NXPH1: variants seen among roughly 807,000 people sequenced by gnomAD.
The protein encoded by NXPH1 is neurexophilin-1.
In NXPH1, 5 loss-of-function variants were observed where a neutral mutation model predicts 23.7. The ratio of observed to expected loss-of-function variants is 0.21; its 90% confidence interval spans 0.11 to 0.44. The LOEUF (loss-of-function observed/expected upper bound fraction) is 0.44. NXPH1 is among the 20% of genes least tolerant of loss of function. The pLI is 0.99. For synonymous variants in NXPH1, 144 were observed against 122.2 expected (o/e 1.18, Z -1.18); for missense variants, 324 against 321.6 (o/e 1.01, Z -0.06).
At chr7:8,450,668 G>T (rs564852882) in intron 2 of NXPH1, among the ~76,000 whole-genome samples, 14 of 152,340 alleles carry the variant, frequency 9.2e-5, no homozygotes, top group African/African-American at 2.6e-4. Flanking sequence ...GCTTAGTTAT[G>T]CCTTGGGGCA....
intron 2 of NXPH1, among the ~76,000 whole-genome samples, chr7:8,559,790 G>A (rs1333708028): frequency 6.6e-6 from 1 of 151,676 alleles, no homozygotes; most frequent in African/African-American, 2.4e-5. Flanking sequence ...AAACTCAAAT[G>A]TGTCACTTAA....
intron 2 of NXPH1, among the ~76,000 whole-genome samples, chr7:8,727,644 T>C (rs908608267): frequency 6.6e-6 from 1 of 152,190 alleles, no homozygotes; most frequent in African/African-American, 2.4e-5. Context: ...GATCAGATAG[T>C]TGTAGATATG....
chr7:8,657,997 C>T (rs1171970864), intron 2 of NXPH1, among the ~76,000 whole-genome samples: 1 of 152,192 alleles, frequency 6.6e-6, no homozygotes, highest in Non-Finnish European at 1.5e-5. Context: ...CACTGCACTC[C>T]AGCCTGGGCA....
intron 2 of NXPH1, among the ~76,000 whole-genome samples, chr7:8,576,423 G>A (rs957354385): frequency 1.3e-5 from 2 of 152,148 alleles, no homozygotes; most frequent in Non-Finnish European, 2.9e-5. Context: ...GTGCTATCAT[G>A]TGTATAATAG....
intron 2 of NXPH1, among the ~76,000 whole-genome samples, chr7:8,725,636 A>G (rs1189830240): frequency 6.6e-6 from 1 of 152,182 alleles, no homozygotes; most frequent in Non-Finnish European, 1.5e-5. Flanking sequence ...AAACTCCAGC[A>G]TCATCCACCT....
intron 2 of NXPH1, among the ~76,000 whole-genome samples, chr7:8,484,949 T>A (rs1055848419): frequency 6.6e-6 from 1 of 152,184 alleles, no homozygotes; most frequent in Non-Finnish European, 1.5e-5. Context: ...TGGAGCATAT[T>A]TGTTAGGGCA....
chr7:8,699,179 G>A (rs1779582180), intron 2 of NXPH1, among the ~76,000 whole-genome samples: 3 of 151,874 alleles, frequency 2.0e-5, no homozygotes, highest in Non-Finnish European at 1.5e-5. Flanking sequence ...GAAAAGGCTA[G>A]GTTTTCTCAT....
In NXPH1 at chr7:8,710,366, G is replaced by C. The variant is rs186980251; in HGVS notation, c.55-40642G>C. Among the ~76,000 whole-genome samples the C allele has an allele frequency of 1.2e-4, 18 of 152,228 alleles. No homozygotes were observed. In the East Asian group the frequency reaches 3.5e-3, roughly 29 times the overall value. On this transcript the variant is annotated intron_variant, in intron 2 of 2. Transcript: ENST00000405863. ...CTTGCCTATCTGGAAATCTTGTGGT[G>C]GGTTTTCATCTTTTAATCAATTCTT... is the stretch of plus-strand genomic sequence containing the variant.
In NXPH1 at chr7:8,716,182, G is replaced by A. The variant is rs140424980; in HGVS notation, c.55-34826G>A. 7.7e-4 allele frequency among the ~76,000 whole-genome samples: 117 copies of A among 152,180 alleles called. 1 individual carries two copies. In the East Asian group the frequency reaches 0.018, roughly 24 times the overall value. ...CTTATGGCAGTAAAGGAATGTGAGC[G>A]TCAGAATAAATTTCATACCTAAAAA... On this transcript the variant is annotated intron_variant, in intron 2 of 2. Coordinates refer to ENST00000405863, the MANE Select transcript of NXPH1 (RefSeq NM_152745.3).
rs116763982 is a variant in NXPH1, at chr7:8,491,993, T to C, written c.54+56226T>C. The stretch of plus-strand genomic sequence containing the variant: ...AACACACAGTAAAACTCCTGTGGTG[T>C]GTATGTTGAGACATAATTTATGCCA... On this transcript the variant is annotated intron_variant, in intron 2 of 2. Coordinates refer to ENST00000405863, the MANE Select transcript of NXPH1 (RefSeq NM_152745.3). 3.4e-3 allele frequency among the ~76,000 whole-genome samples: 510 copies of C among 152,120 alleles called. 2 individuals are homozygous for C. Among genetic ancestry groups the C allele is most frequent in the African/African-American group, 0.012 (485 of 41,548 alleles).
At chr7:8,660,742 G>C (rs972218130) in intron 2 of NXPH1, among the ~76,000 whole-genome samples, 1 of 152,106 alleles carries the variant, frequency 6.6e-6, no homozygotes, top group Admixed American at 6.6e-5. Context: ...ACAAGGAAAA[G>C]ATTCACAATC....
At chr7:8,597,721 G>T (rs12532446) in intron 2 of NXPH1, among the ~76,000 whole-genome samples, 1 of 115,388 alleles carries the variant, frequency 8.7e-6, no homozygotes, top group Non-Finnish European at 1.7e-5. Context: ...GGGCGGGGGG[G>T]CAGTGTGGGG....
intron 2 of NXPH1, among the ~76,000 whole-genome samples, chr7:8,540,516 A>C (rs1818097809): frequency 6.6e-6 from 1 of 151,766 alleles, no homozygotes; most frequent in South Asian, 2.1e-4. Context: ...GGAAAACCCA[A>C]GTGAAGCCCA....
chr7:8,564,750 A>T (rs1818509944), intron 2 of NXPH1, among the ~76,000 whole-genome samples: 2 of 151,790 alleles, frequency 1.3e-5, no homozygotes, highest in Non-Finnish European at 2.9e-5. Flanking sequence ...TTCTTTCTTA[A>T]TCTCATTAGA....
At position 8,593,487 on chromosome 7, in the gene NXPH1, C is replaced by T. The variant is rs148210001; in HGVS notation, c.55-157521C>T. On this transcript the variant is annotated intron_variant, in intron 2 of 2. Coordinates refer to ENST00000405863, the MANE Select transcript of NXPH1 (RefSeq NM_152745.3). ...AAACAAAAAAGTTGATTTCTCTTCC[C>T]TTGTGGAATAAATTGCCCCCTAGTC... Among the ~76,000 whole-genome samples the T allele has an allele frequency of 1.7e-3, 262 of 152,024 alleles. 1 individual carries two copies. Among genetic ancestry groups the T allele is most frequent in the African/African-American group, 6.0e-3 (248 of 41,502 alleles).
At chr7:8,739,171 T>TAA (rs34593997) in intron 2 of NXPH1, among the ~76,000 whole-genome samples, 1,562 of 54,042 alleles carry the variant, frequency 0.029, 80 homozygotes, top group African/African-American at 0.068. Flanking sequence ...ACCAGTGGGG[T>TAA]AAAAAAAAAA....
intron 2 of NXPH1, among the ~76,000 whole-genome samples, chr7:8,536,971 TTTTAAG>T (rs1216982937): frequency 6.6e-6 from 1 of 151,938 alleles, no homozygotes; most frequent in Non-Finnish European, 1.5e-5. Context: ...TTATGAATAG[TTTTAAG>T]TTTGAGATGC....
chr7:8,540,533 AC>A (rs913138051), intron 2 of NXPH1, among the ~76,000 whole-genome samples: 2 of 151,700 alleles, frequency 1.3e-5, no homozygotes, highest in African/African-American at 4.8e-5. Context: ...CCCAGGGGAC[AC>A]CCTAAGTGAG....
chr7:8,460,952 C>T (rs999768874), intron 2 of NXPH1, among the ~76,000 whole-genome samples: 2 of 152,216 alleles, frequency 1.3e-5, no homozygotes, highest in African/African-American at 4.8e-5. Flanking sequence ...CACATTTCCT[C>T]AACTTCATTT....
Sources: gnomAD v4.1 joint callset for allele counts (sites outside exome capture counted in the v4.1 genomes callset) on GRCh38, gnomAD v4.1.1 for gene constraint, MANE v1.5 for transcripts, NCBI Gene and HGNC (gene_info 2026-07-23, HGNC 2026-07-21) for gene names.